The following CNNM4 variants were observed in gnomAD, a reference collection of about 807,000 sequenced individuals.
CNNM4 encodes metal transporter CNNM4.
CNNM4 carries 32 observed loss-of-function variants against 53.7 expected under a neutral mutation model. The observed-to-expected ratio is 0.60, with a 90% CI of 0.45 to 0.80. The LOEUF (loss-of-function observed/expected upper bound fraction) is 0.80, where lower values mean the gene tolerates loss of function less well. CNNM4 is among the 30% of genes least tolerant of loss of function. The pLI is 0.00. For missense variants in CNNM4, 784 were observed against 1,022.0 expected, an observed-to-expected ratio of 0.77 and a Z score of 3.17; for synonymous variants, 410 against 440.0, an observed-to-expected ratio of 0.93 and a Z score of 0.85.
rs2079117424 is a variant in CNNM4 at position 96,797,716 on chromosome 2, CT to C, written c.1681+70del. 5.0e-6 allele frequency: 8 copies of C among 1,595,802 alleles called. No homozygotes were observed. Among genetic ancestry groups the C allele is most frequent in the Middle Eastern group, 1.7e-4 (1 of 5,990 alleles). ...CGGGGGAGAAGTCCTGGGTTTCCGGCTGCTTTCCCCCCATAGGACGAGGGCT... is the reference window on the plus strand; with the variant it reads ...CGGGGGAGAAGTCCTGGGTTTCCGGCGCTTTCCCCCCATAGGACGAGGGCT... On this transcript the variant is annotated intron_variant, in intron 3 of 6. Transcript: ENST00000377075. This position sits in a 1 kb window ranked among gnomAD's most constrained non-coding sequence, Gnocchi z 6.0.
rs2079154168 is a variant in CNNM4 at position 96,801,144 on chromosome 2, C to T, written c.1948+1496C>T. 1 of 985,000 alleles carries T rather than the reference C, an allele frequency of 1.0e-6. No homozygotes were observed. The highest frequency in any genetic ancestry group is 1.2e-6 in the Non-Finnish European group (1 of 829,542). The allele number at this position is 985,000 out of a possible 1,614,324, so 61.0% of individuals were successfully genotyped here. A position where few individuals can be genotyped will look rare whatever the true frequency, so the allele number is the denominator to read the frequency against. ...CTCTGCTGGCTCACAGGTAACGTGG[C>T]ACAGCTGAGGGTCACGCTGCCACCT... On this transcript the variant is annotated intron_variant, in intron 5 of 6. Coordinates refer to ENST00000377075, the MANE Select transcript of CNNM4 (RefSeq NM_020184.4). This position sits in a 1 kb window ranked among gnomAD's most constrained non-coding sequence, Gnocchi z 5.6.
At position 96,761,111 on chromosome 2, in the gene CNNM4, C is replaced by A. The variant is rs1291619309; in HGVS notation, c.112C>A (p.Gln38Lys). 18 of 1,561,082 alleles carry A rather than the reference C, an allele frequency of 1.2e-5. No individual in the cohort carries two copies. Among genetic ancestry groups the A allele is most frequent in the Non-Finnish European group, 1.4e-5 (16 of 1,147,250 alleles). The change falls in exon 1 of 7, where the codon CAG becomes AAG. Residue 38 changes from glutamine (Q) to lysine (K), a missense_variant. Gln to Lys is a moderately conservative substitution (Grantham distance 53). This residue lies in a region of CNNM4 where 473 missense variants were observed against 624.6 expected (regional missense o/e 0.76). Transcript: ENST00000377075. This position sits in a 1 kb window ranked among gnomAD's most constrained non-coding sequence, Gnocchi z 6.0. ...GCTGTGGGCGCTGGGGGCCCGGGGC[C>A]AGGGCAGCCCCCAGCAGGGCACGAT... ...VLLWALGARGQGSPQQGTIVG... is the reference protein window; with the variant it reads ...VLLWALGARGKGSPQQGTIVG...
Position 96,779,508 on chromosome 2 carries a change from CAA to C in CNNM4, c.1402+17128_1402+17129del, listed in dbSNP as rs1178143077. Among the ~76,000 whole-genome samples, 30 of 62,044 alleles carry C rather than the reference CAA, an allele frequency of 4.8e-4. No individual in the cohort carries two copies. The East Asian group carries it at 9.3e-3, about 19-fold the overall frequency. The allele number at this position is 62,044 out of a possible 152,430, so 40.7% of individuals were successfully genotyped here. ...TGGGTGACAGAGCAAGACCTCGTCT[CAA>C]AAAAAAAAAAAAAAAAAAAATCCAT... On this transcript the variant is annotated intron_variant, in intron 1 of 6. Coordinates refer to ENST00000377075, the MANE Select transcript of CNNM4 (RefSeq NM_020184.4).
In CNNM4 at chr2:96,760,933, C is replaced by T. The variant is rs953524035; in HGVS notation, c.-67C>T. ...CTCGGCGGCAGCGGAGCGGCCGGAG[C>T]TGCGGTGCGGACCGGGGCCGCGCGG... On this transcript the variant is annotated 5_prime_UTR_variant, in exon 1 of 7. Coordinates refer to ENST00000377075, the MANE Select transcript of CNNM4 (RefSeq NM_020184.4). 2.2e-5 allele frequency: 19 copies of T among 872,916 alleles called. No individual in the cohort carries two copies. The South Asian group carries it at 3.0e-4, about 14-fold the overall frequency. 54.1% of individuals were successfully genotyped at this position (872,916 alleles called of 1,614,324 possible).
rs1333893177 is a variant in CNNM4, at chr2:96,809,480, C to T, written c.2291C>T (p.Ser764Phe). The change falls in exon 7 of 7, where the codon TCC becomes TTC. Residue 764 changes from serine to phenylalanine, a missense_variant. Around this residue, in one of 3 missense-constraint regions of CNNM4, gnomAD observed 307 missense variants for 376.3 expected, o/e 0.82. Coordinates refer to ENST00000377075, the MANE Select transcript of CNNM4 (RefSeq NM_020184.4). Reference protein sequence around the residue: ...ETTTLLNERNSLLHKASHENA... With the variant: ...ETTTLLNERNFLLHKASHENA... ...ACAACTCTTCTCAACGAGCGTAACT[C>T]CTTGCTGCACAAAGCCTCCCACGAG... 1.2e-6 allele frequency: 2 copies of T among 1,614,242 alleles called. No homozygotes were observed. The highest frequency in any genetic ancestry group is 2.2e-5 in the South Asian group (2 of 91,088).
At chr2:96,774,557 A>G (rs1297449823) in intron 1 of CNNM4, among the ~76,000 whole-genome samples, 1 of 152,222 alleles carries the variant, frequency 6.6e-6, no homozygotes, top group Admixed American at 6.5e-5. Context: ...AGAGAGGCCA[A>G]CAGTCTTTCC....
At chr2:96,790,904 G>A (rs982561956) in intron 1 of CNNM4, among the ~76,000 whole-genome samples, 7 of 151,474 alleles carry the variant, frequency 4.6e-5, no homozygotes, top group African/African-American at 1.7e-4. Flanking sequence ...TGGATCACCT[G>A]AGGTCAGAAG....
chr2:96,766,327 G>A (rs111879119), intron 1 of CNNM4, among the ~76,000 whole-genome samples: 261 of 148,120 alleles, frequency 1.8e-3, no homozygotes, highest in African/African-American at 6.4e-3. Flanking sequence ...TGCCCACCTC[G>A]GCCTCCCAAA....
intron 3 of CNNM4, among the ~76,000 whole-genome samples, chr2:96,798,015 C>T (rs2079120235): frequency 6.6e-6 from 1 of 151,988 alleles, no homozygotes; most frequent in Admixed American, 6.6e-5. Context: ...ATGGCGAGAC[C>T]CCATCTCTAC....
intron 1 of CNNM4, among the ~76,000 whole-genome samples, chr2:96,778,808 C>T (rs1011971349): frequency 3.3e-5 from 5 of 152,022 alleles, no homozygotes; most frequent in Non-Finnish European, 5.9e-5. Flanking sequence ...TCCCACTCTG[C>T]GGATTTTAGC....
intron 1 of CNNM4, among the ~76,000 whole-genome samples, chr2:96,767,324 C>A (rs1210147005): frequency 6.6e-6 from 1 of 152,106 alleles, no homozygotes; most frequent in Non-Finnish European, 1.5e-5. Context: ...CTGAGAGTCT[C>A]CTGTGATTTG....
chr2:96,769,805 TTGCACCGGTTCTCCGTCAGCCC>T (rs1001448018), intron 1 of CNNM4, among the ~76,000 whole-genome samples: 3 of 152,072 alleles, frequency 2.0e-5, no homozygotes, highest in African/African-American at 7.2e-5. Context: ...GAAGGCAGCT[TTGCACCGGTTCTCCGTCAGCCC>T]TGCCTGGTAA....
chr2:96,785,630 T>C (rs530378889), intron 1 of CNNM4, among the ~76,000 whole-genome samples: 5 of 150,090 alleles, frequency 3.3e-5, no homozygotes, highest in African/African-American at 1.2e-4. Flanking sequence ...GAGACCTTTG[T>C]CTCAAAAAAG....
At chr2:96,805,355 T>G (rs1435186688) in intron 5 of CNNM4, among the ~76,000 whole-genome samples, 2 of 149,158 alleles carry the variant, frequency 1.3e-5, no homozygotes, top group African/African-American at 2.5e-5. Flanking sequence ...AAAGCTTTAC[T>G]TAAGCACAAA....
At chr2:96,790,597 G>T (rs1056089107) in intron 1 of CNNM4, among the ~76,000 whole-genome samples, 54 of 144,778 alleles carry the variant, frequency 3.7e-4, no homozygotes, top group Non-Finnish European at 6.7e-4. Flanking sequence ...CAGGTGATCC[G>T]CCTGCCTCGG....
intron 5 of CNNM4, among the ~76,000 whole-genome samples, chr2:96,805,497 G>A (rs2079196254): frequency 7.9e-6 from 1 of 127,330 alleles, no homozygotes; most frequent in South Asian, 2.7e-4. Flanking sequence ...TCTCACAGAG[G>A]GGTATTTGGC....
intron 1 of CNNM4, among the ~76,000 whole-genome samples, chr2:96,765,984 A>G (rs968243441): frequency 9.3e-5 from 14 of 150,776 alleles, no homozygotes; most frequent in African/African-American, 3.4e-4. Flanking sequence ...GGGTTTCACC[A>G]TGTTGGCCAG....
chr2:96,800,493 G>A lies in CNNM4; in HGVS notation c.1948+845G>A, dbSNP rs1367244034. On this transcript the variant is annotated intron_variant, in intron 5 of 6. Transcript: ENST00000377075. This position sits in a 1 kb window ranked among gnomAD's most constrained non-coding sequence, Gnocchi z 4.6. ...AAAAGGACCCCGAGGGGGAACGGGGGTAGGGCACCCATGAATACTGACACC... is the reference window on the plus strand; with the variant it reads ...AAAAGGACCCCGAGGGGGAACGGGGATAGGGCACCCATGAATACTGACACC... Among the ~76,000 whole-genome samples the A allele has an allele frequency of 6.6e-6, 1 of 152,220 alleles. No homozygotes were observed. The highest frequency in any genetic ancestry group is 2.4e-5 in the African/African-American group (1 of 41,458).
At chr2:96,805,963 T>C (rs34030305) in intron 5 of CNNM4, among the ~76,000 whole-genome samples, 33 of 151,744 alleles carry the variant, frequency 2.2e-4, no homozygotes, top group African/African-American at 6.0e-4. Flanking sequence ...AGCTGTTGGG[T>C]ACACCTCCCA....
Sources: gnomAD v4.1 joint callset for allele counts (sites outside exome capture counted in the v4.1 genomes callset) on GRCh38, gnomAD v4.1.1 for gene constraint, gnomAD v4.1.1 regional missense constraint, Gnocchi (gnomAD v3.1) non-coding constraint, MANE v1.5 for transcripts, NCBI Gene and HGNC (gene_info 2026-07-23, HGNC 2026-07-21) for gene names.